Variants in ELK4 observed in about 807,000 individuals in gnomAD.
ELK4 encodes the protein ETS domain-containing protein Elk-4.
A neutral mutation model predicts 29.6 loss-of-function variants in ELK4; 16 were observed. The ratio of observed to expected loss-of-function variants is 0.54; its 90% CI spans 0.37 to 0.82. ELK4 has a LOEUF of 0.82. Among genes scored for constraint, ELK4 ranks in the 40% least tolerant of loss-of-function variants. The pLI is 0.00. For synonymous variants in ELK4, 213 were observed against 191.1 expected (o/e 1.11, Z -0.95); for missense variants, 465 against 507.1 (o/e 0.92, Z 0.80).
chr1:205,617,449 A>G (rs914827016), intron 4 of ELK4, among the ~76,000 whole-genome samples: 1 of 152,216 alleles, frequency 6.6e-6, no homozygotes, highest in African/African-American at 2.4e-5. Context: ...GGCTAAACCC[A>G]TTAGGAATGG....
intron 1 of ELK4, among the ~76,000 whole-genome samples, chr1:205,631,065 A>G (rs933691216): frequency 2.0e-5 from 3 of 152,224 alleles, no homozygotes; most frequent in African/African-American, 7.2e-5. Context: ...AGATGTTTCC[A>G]ATTGATCTTC....
At position 205,611,583 on chromosome 1, in the gene ELK4, T is replaced by A. The variant is rs1292502183; in HGVS notation, c.*4963A>T. 1 of 204,034 alleles carries A rather than the reference T, an allele frequency of 4.9e-6. No homozygotes were observed. Among genetic ancestry groups the A allele is most frequent in the East Asian group, 7.5e-5 (1 of 13,386 alleles). 12.6% of individuals were successfully genotyped at this position (204,034 alleles called of 1,614,324 possible). ...AGTACCTGCTGAAGAAAGACAACTA[T>A]GGCTGACCTCCACACTTCACTTACA... On this transcript the variant is annotated 3_prime_UTR_variant, in exon 5 of 5. Coordinates refer to ENST00000357992, the MANE Select transcript of ELK4 (RefSeq NM_001973.4).
In ELK4 at chr1:205,627,536, T is replaced by C. The variant is rs181949726; in HGVS notation, c.-9-3645A>G. On this transcript the variant is annotated intron_variant, in intron 1 of 4. Coordinates refer to ENST00000357992, the MANE Select transcript of ELK4 (RefSeq NM_001973.4). The stretch of plus-strand genomic sequence containing the variant: ...AAAAAAAAAAGAAAAGAAAATATTA[T>C]AAACTTAGATTGTGTTCATGCTTGC... Among the ~76,000 whole-genome samples the C allele has an allele frequency of 6.7e-3, 1,020 of 151,388 alleles. 8 individuals carry two copies. The highest frequency in any genetic ancestry group is 0.044 in the Middle Eastern group (13 of 294).
intron 1 of ELK4, among the ~76,000 whole-genome samples, chr1:205,629,324 T>C (rs1670531133): frequency 6.6e-6 from 1 of 152,208 alleles, no homozygotes; most frequent in Non-Finnish European, 1.5e-5. Flanking sequence ...TCGTTATTCT[T>C]TTGATTGAAA....
rs1007442543 is a variant in ELK4, at chr1:205,614,829, G to A, written c.*1717C>T. 1 of 227,076 alleles carries A rather than the reference G, an allele frequency of 4.4e-6. No homozygotes were observed. The highest frequency in any genetic ancestry group is 8.8e-6 in the Non-Finnish European group (1 of 114,228). 14.1% of individuals were successfully genotyped at this position (227,076 alleles called of 1,614,324 possible). A position where few individuals can be genotyped will look rare whatever the true frequency, so the allele number is the denominator to read the frequency against. Reference sequence around the variant, plus strand: ...ACAGGATTAGAAGACGAGTTTAACCGGTGGGAGAGATTGGTGGGGGAGGGT... The same window carrying A: ...ACAGGATTAGAAGACGAGTTTAACCAGTGGGAGAGATTGGTGGGGGAGGGT... On this transcript the variant is annotated 3_prime_UTR_variant, in exon 5 of 5. Coordinates refer to ENST00000357992, the MANE Select transcript of ELK4 (RefSeq NM_001973.4).
chr1:205,619,655 A>G (rs1470192096), intron 3 of ELK4: 1 of 1,369,934 alleles, frequency 7.3e-7, no homozygotes, highest in African/African-American at 1.5e-5. Context: ...GTTTTATAAG[A>G]CACCAACGAG....
Position 205,615,022 on chromosome 1 carries a change from G to T in ELK4, c.*1524C>A. 1 of 202,482 alleles carries T rather than the reference G, an allele frequency of 4.9e-6. No homozygotes were observed. Among genetic ancestry groups the T allele is most frequent in the Non-Finnish European group, 1.0e-5 (1 of 98,792 alleles). 12.5% of individuals were successfully genotyped at this position (202,482 alleles called of 1,614,324 possible). On this transcript the variant is annotated 3_prime_UTR_variant, in exon 5 of 5. Transcript: ENST00000357992. ...AAAAATTTGGTAATGTAGAGAATAA[G>T]GCCTACATTTTTTACTACTAATATG...
chr1:205,619,602 T>C, intron 3 of ELK4: 1 of 1,243,748 alleles, frequency 8.0e-7, no homozygotes, highest in South Asian at 2.9e-5. Flanking sequence ...TTTCTTATGG[T>C]TCTCAGGACC....
At chr1:205,627,411 A>T (rs1026016605) in intron 1 of ELK4, among the ~76,000 whole-genome samples, 1 of 151,938 alleles carries the variant, frequency 6.6e-6, no homozygotes, top group Non-Finnish European at 1.5e-5. Context: ...CAGGAGGCTG[A>T]GGGAGGAGAA....
At chr1:205,627,880 A>G (rs1670498235) in intron 1 of ELK4, among the ~76,000 whole-genome samples, 1 of 152,230 alleles carries the variant, frequency 6.6e-6, no homozygotes, top group Non-Finnish European at 1.5e-5. Flanking sequence ...GTCACCTAAA[A>G]GTAACGATGG....
rs1305885691 is a variant in ELK4 at position 205,616,276 on chromosome 1, GAGAAA to G, written c.*265_*269del. On this transcript the variant is annotated 3_prime_UTR_variant, in exon 5 of 5. Coordinates refer to ENST00000357992, the MANE Select transcript of ELK4 (RefSeq NM_001973.4). Reference sequence around the variant, plus strand: ...CACAAAGCTCAAAATATTTTTAAAGGAGAAAAGAAAAGGAAGGAAGGAAAGAAAAA... The same window carrying G: ...CACAAAGCTCAAAATATTTTTAAAGGAGAAAAGGAAGGAAGGAAAGAAAAA... 10 of 343,328 alleles carry G rather than the reference GAGAAA, an allele frequency of 2.9e-5. No homozygotes were observed. The East Asian group carries it at 3.3e-4, about 11-fold the overall frequency. The allele number at this position is 343,328 out of a possible 1,614,324, so 21.3% of individuals were successfully genotyped here.
At chr1:205,627,589 G>C (rs554623749) in intron 1 of ELK4, among the ~76,000 whole-genome samples, 2 of 151,820 alleles carry the variant, frequency 1.3e-5, no homozygotes, top group African/African-American at 4.8e-5. Context: ...TTACACCTAA[G>C]GAGGTGAATT....
intron 2 of ELK4, 82 bp downstream of exon 2, chr1:205,623,594 C>T (rs976463644): frequency 1.9e-5 from 29 of 1,500,646 alleles, no homozygotes; most frequent in Non-Finnish European, 2.7e-5. Flanking sequence ...GGATTACAGG[C>T]GTGAGCCACT....
At position 205,620,633 on chromosome 1, in the gene ELK4, C is replaced by T. The variant is rs759667404; in HGVS notation, c.413G>A (p.Arg138His). ...TAAGCCAGAGTGTATGTAGTCATTG[C>T]GGCTAGAGGTCTTGGCACCAGGCTG... ...PPQPGAKTSS[R>H]NDYIHSGLYS... Residue 138 changes from arginine (R) to histidine (H), a missense_variant, in exon 3 of 5, where the codon CGC (arginine) becomes CAC (histidine). Transcript: ENST00000357992. 29 of 1,614,090 alleles carry T rather than the reference C, an allele frequency of 1.8e-5. No individual in the cohort carries two copies. Among genetic ancestry groups the T allele is most frequent in the East Asian group, 2.2e-5 (1 of 44,876 alleles).
Position 205,608,509 on chromosome 1 carries a change from A to G in ELK4, c.*8037T>C, listed in dbSNP as rs900339838. On this transcript the variant is annotated 3_prime_UTR_variant, in exon 5 of 5. Transcript: ENST00000357992. ...CAGCTTCCCTCCAGCTGTTTCATCA[A>G]CTAACATGAAGTTTAATAAATGTTA... The G allele has an allele frequency of 5.0e-6, 1 of 198,416 alleles. No homozygotes were observed. The highest frequency in any genetic ancestry group is 1.0e-5 in the Non-Finnish European group (1 of 95,962). 12.3% of individuals were successfully genotyped at this position (198,416 alleles called of 1,614,324 possible).
chr1:205,615,390 CAA>C lies in ELK4; in HGVS notation c.*1154_*1155del, dbSNP rs67904643. On this transcript the variant is annotated 3_prime_UTR_variant, in exon 5 of 5. Transcript: ENST00000357992. ...TGGGTGATAGAGCAAGACTCTGTCTCAAAAAAAAAAAAAAAAAAAAAAAAAGG... is the reference window on the plus strand; with the variant it reads ...TGGGTGATAGAGCAAGACTCTGTCTCAAAAAAAAAAAAAAAAAAAAAAAGG... The C allele has an allele frequency of 0.018, 969 of 53,124 alleles. 3 individuals carry two copies. Among genetic ancestry groups the C allele is most frequent in the African/African-American group, 0.06 (850 of 14,190 alleles). The allele number at this position is 53,124 out of a possible 1,614,324, so 3.3% of individuals were successfully genotyped here. A position where few individuals can be genotyped will look rare whatever the true frequency, so the allele number is the denominator to read the frequency against.
chr1:205,631,597 A>G (rs1285270541), intron 1 of ELK4, 35 bp downstream of exon 1: 1 of 194,492 alleles, frequency 5.1e-6, no homozygotes, highest in South Asian at 7.4e-5. Flanking sequence ...TGTGGCCGCG[A>G]GATCCCGAGG....
rs1670226876 is a variant in ELK4, at chr1:205,616,017, A to G, written c.*529T>C. 1 of 224,194 alleles carries G rather than the reference A, an allele frequency of 4.5e-6. No homozygotes were observed. The highest frequency in any genetic ancestry group is 6.6e-5 in the East Asian group (1 of 15,106). 13.9% of individuals were successfully genotyped at this position (224,194 alleles called of 1,614,324 possible). A position where few individuals can be genotyped will look rare whatever the true frequency, so the allele number is the denominator to read the frequency against. ...TATGACTGCTCCAATCTTACTTTGTATGAATAGGAATGATTCTTCTTCTTC... is the reference window on the plus strand; with the variant it reads ...TATGACTGCTCCAATCTTACTTTGTGTGAATAGGAATGATTCTTCTTCTTC... On this transcript the variant is annotated 3_prime_UTR_variant, in exon 5 of 5. Transcript: ENST00000357992.
Position 205,620,328 on chromosome 1 carries a change from T to G in ELK4, c.718A>C (p.Thr240Pro), listed in dbSNP as rs780141583. ...SPKLPSLEAPTSASNVMTAFA... is the reference protein window; with the variant it reads ...SPKLPSLEAPPSASNVMTAFA... ...GCAGTCATTACGTTAGAGGCAGAGG[T>G]TGGGGCTTCCAGGGAAGGCAGTTTT... The change falls in exon 3 of 5, where the codon ACC (threonine) becomes CCC (proline). Residue 240 changes from threonine to proline, a missense_variant. By Grantham distance (38) the Thr-to-Pro change is conservative (BLOSUM62 -1). Coordinates refer to ENST00000357992, the MANE Select transcript of ELK4 (RefSeq NM_001973.4). The G allele has an allele frequency of 1.2e-6, 2 of 1,613,942 alleles. No homozygotes were observed. Among genetic ancestry groups the G allele is most frequent in the Non-Finnish European group, 1.7e-6 (2 of 1,179,978 alleles).
Sources: gnomAD v4.1 joint callset for allele counts (sites outside exome capture counted in the v4.1 genomes callset) on GRCh38, gnomAD v4.1.1 for gene constraint, MANE v1.5 for transcripts, NCBI Gene and HGNC (gene_info 2026-07-23, HGNC 2026-07-21) for gene names.